DOCK9: variants seen among roughly 807,000 people sequenced by gnomAD.
The protein encoded by DOCK9 is dedicator of cytokinesis 9, also known as dedicator of cytokinesis protein 9.
Under a neutral mutation model 263.3 loss-of-function variants are expected in DOCK9, and 89 were observed. The ratio of observed to expected loss-of-function variants is 0.34; its 90% CI spans 0.28 to 0.40. The LOEUF is 0.40. Ranked by LOEUF, DOCK9 falls within the 10% of genes least tolerant of loss-of-function variation. The pLI, the probability that DOCK9 is intolerant of heterozygous loss-of-function variation, is 1.00. For missense variants in DOCK9, 2,140 were observed against 2,603.4 expected, an observed-to-expected ratio of 0.82 and a Z score of 3.87; for synonymous variants, 976 against 973.1, an observed-to-expected ratio of 1.00 and a Z score of -0.06.
At chr13:98,908,255 T>C (rs766867519) in intron 9 of DOCK9, among the ~76,000 whole-genome samples, 6 of 152,182 alleles carry the variant, frequency 3.9e-5, no homozygotes, top group Non-Finnish European at 8.8e-5. Flanking sequence ...TTTACACTCG[T>C]CTGGTGAAGA....
rs779542181 is a variant in DOCK9 at position 99,056,940 on chromosome 13, A to G, written c.129+29283T>C. On this transcript the variant is annotated intron_variant, in intron 1 of 32. Transcript: ENST00000427887. ...ACCCCATGACTTGGTATCGGACCCAATGTGGATCACCTCCCTGGGGGATTA... is the reference window on the plus strand; with the variant it reads ...ACCCCATGACTTGGTATCGGACCCAGTGTGGATCACCTCCCTGGGGGATTA... Among the ~76,000 whole-genome samples, 6 of 152,316 alleles carry G rather than the reference A, an allele frequency of 3.9e-5. 1 individual carries two copies. Among genetic ancestry groups the G allele is most frequent in the African/African-American group, 7.2e-5 (3 of 41,582 alleles).
At chr13:98,860,274 AAAG>A in intron 33 of DOCK9, 128 bp downstream of exon 33, 1 of 1,478,530 alleles carries the variant, frequency 6.8e-7, no homozygotes, top group Non-Finnish European at 9.0e-7. Context: ...ACAAGCAGGA[AAAG>A]AATACTCAGG....
intron 27 of DOCK9, among the ~76,000 whole-genome samples, chr13:98,876,430 G>A (rs1235955181): frequency 1.3e-5 from 2 of 152,164 alleles, no homozygotes; most frequent in Non-Finnish European, 2.9e-5. Context: ...GGTGGAGGTC[G>A]CAGTGAGCCC....
At chr13:98,802,388 G>A (rs1258712889) in intron 49 of DOCK9, among the ~76,000 whole-genome samples, 1 of 152,200 alleles carries the variant, frequency 6.6e-6, no homozygotes, top group Non-Finnish European at 1.5e-5. Flanking sequence ...GTCCAAACTG[G>A]CTCTGGAAGG....
chr13:99,016,842 A>C (rs1405586962), intron 1 of DOCK9, among the ~76,000 whole-genome samples: 2 of 152,238 alleles, frequency 1.3e-5, no homozygotes, highest in South Asian at 4.1e-4. Context: ...AAGGCAACAG[A>C]TAATTTCATT....
At chr13:99,085,222 G>C (rs776775318) in intron 1 of DOCK9, among the ~76,000 whole-genome samples, 16 of 152,164 alleles carry the variant, frequency 1.1e-4, no homozygotes, top group Non-Finnish European at 1.5e-5. Context: ...ATCCCCCACA[G>C]GGCCCAGACA....
At chr13:98,948,501 G>A (rs180693122) in intron 2 of DOCK9, among the ~76,000 whole-genome samples, 1 of 152,230 alleles carries the variant, frequency 6.6e-6, no homozygotes, top group Admixed American at 6.5e-5. Context: ...ATATAGCACA[G>A]AAATCCTATA....
At chr13:98,820,695 T>G in intron 45 of DOCK9, 1 of 426,898 alleles carries the variant, frequency 2.3e-6, no homozygotes, top group Non-Finnish European at 4.6e-6. Context: ...AAATCGATAT[T>G]ATTAGCTTTA....
Position 98,837,554 on chromosome 13 carries a change from A to C in DOCK9, c.4254T>G (p.Ile1418Met). Reference protein sequence around the residue: ...VLHQSLLEANIATEVCLTALD... With the variant: ...VLHQSLLEANMATEVCLTALD... Reference sequence around the variant, plus strand: ...GAGCTGTCAGGCAAACCTCAGTAGCAATGTTGGCTTCAAGTAATGACTGGT... The same window carrying C: ...GAGCTGTCAGGCAAACCTCAGTAGCCATGTTGGCTTCAAGTAATGACTGGT... The change falls in exon 39 of 53, where the codon ATT (isoleucine) becomes ATG (methionine). Residue 1418 changes from isoleucine (I) to methionine (M), a missense_variant. Ile to Met is a conservative substitution (Grantham distance 10). This residue lies in a region of DOCK9 where 1,521 missense variants were observed against 1,741.7 expected (regional missense o/e 0.87). Coordinates refer to ENST00000682017, the MANE Select transcript of DOCK9 (RefSeq NM_001366683.2). 1 of 1,613,816 alleles carries C rather than the reference A, an allele frequency of 6.2e-7. No individual in the cohort carries two copies. Among genetic ancestry groups the C allele is most frequent in the South Asian group, 1.1e-5 (1 of 91,060 alleles).
chr13:98,796,839 G>T (rs1207332279), intron 52 of DOCK9, among the ~76,000 whole-genome samples: 1 of 152,120 alleles, frequency 6.6e-6, no homozygotes, highest in Non-Finnish European at 1.5e-5. Flanking sequence ...GCTAGACGGG[G>T]GTGGGGAGAG....
chr13:99,009,710 G>A (rs1450071384), intron 1 of DOCK9, among the ~76,000 whole-genome samples: 1 of 151,738 alleles, frequency 6.6e-6, no homozygotes, highest in Non-Finnish European at 1.5e-5. Context: ...CAGGATGGGG[G>A]CTTTCAGGGG....
chr13:98,820,139 T>C (rs1316728942), intron 45 of DOCK9, among the ~76,000 whole-genome samples: 2 of 152,224 alleles, frequency 1.3e-5, no homozygotes, highest in Non-Finnish European at 2.9e-5. Flanking sequence ...ACATTTTCAT[T>C]AACCAATCAA....
At chr13:98,980,779 A>T (rs1394257855), upstream of DOCK9, among the ~76,000 whole-genome samples, 10 of 152,094 alleles carry the variant, frequency 6.6e-5, no homozygotes, top group African/African-American at 2.4e-4. Flanking sequence ...AGCATCAACC[A>T]TTCTTCCCTC....
intron 1 of DOCK9, among the ~76,000 whole-genome samples, chr13:99,035,909 TG>T (rs1337530745): frequency 1.3e-5 from 2 of 152,116 alleles, no homozygotes; most frequent in African/African-American, 2.4e-5. Flanking sequence ...TCCAAGCAGT[TG>T]AAGACCTTAA....
chr13:99,060,242 T>G (rs1021199458), intron 1 of DOCK9, among the ~76,000 whole-genome samples: 8 of 151,718 alleles, frequency 5.3e-5, no homozygotes, highest in African/African-American at 1.9e-4. Context: ...CCCAGCTAAA[T>G]TTTTTTGTAT....
chr13:98,909,153 A>G (rs1007470167), intron 9 of DOCK9, among the ~76,000 whole-genome samples: 3 of 152,204 alleles, frequency 2.0e-5, no homozygotes, highest in Admixed American at 6.5e-5. Context: ...AAAATGCACA[A>G]TGGCAGAGCT....
chr13:99,000,018 G>A (rs1473159105), intron 1 of DOCK9, among the ~76,000 whole-genome samples: 1 of 152,096 alleles, frequency 6.6e-6, no homozygotes, highest in Non-Finnish European at 1.5e-5. Context: ...ACAATAAGAC[G>A]ATATACACTT....
chr13:98,831,310 C>T (rs1317673115), intron 41 of DOCK9, 38 bp downstream of exon 41: 3 of 1,562,176 alleles, frequency 1.9e-6, no homozygotes, highest in African/African-American at 2.7e-5. Flanking sequence ...CAGGATTCTA[C>T]AGAGTAAATC....
intron 1 of DOCK9, among the ~76,000 whole-genome samples, chr13:98,990,396 A>C (rs1263553079): frequency 7.2e-5 from 11 of 152,222 alleles, no homozygotes; most frequent in Non-Finnish European, 2.9e-5. Flanking sequence ...ATAAGACTTG[A>C]AGAAAAGACG....
Sources: allele counts gnomAD v4.1 joint callset (sites outside exome capture counted in the v4.1 genomes callset), GRCh38; gene constraint gnomAD v4.1.1; regional missense constraint gnomAD v4.1.1; transcripts MANE v1.5; gene names NCBI Gene and HGNC (gene_info 2026-07-23, HGNC 2026-07-21).